The following USP49 variants were observed in gnomAD, a reference collection of about 807,000 sequenced individuals.
USP49 encodes ubiquitin carboxyl-terminal hydrolase 49.
Under a neutral mutation model 58.6 loss-of-function variants are expected in USP49, and 24 were observed. That is an observed-to-expected ratio of 0.41 (90% confidence interval 0.30 to 0.58). The LOEUF is 0.58. Ranked by LOEUF, USP49 falls within the 20% of genes least tolerant of loss-of-function variation. USP49 has a pLI of 0.30. For missense variants in USP49, 703 were observed against 866.1 expected, an observed-to-expected ratio of 0.81 and a Z score of 2.36; for synonymous variants, 408 against 365.1, an observed-to-expected ratio of 1.12 and a Z score of -1.34.
At chr6:41,847,017 C>A (rs1773935865) in intron 3 of USP49, among the ~76,000 whole-genome samples, 1 of 152,198 alleles carries the variant, frequency 6.6e-6, no homozygotes, top group African/African-American at 2.4e-5. Context: ...ATCCTGGAAA[C>A]AACAACCAGG....
intron 3 of USP49, among the ~76,000 whole-genome samples, chr6:41,863,994 C>G (rs934370345): frequency 2.5e-4 from 37 of 147,818 alleles, no homozygotes; most frequent in African/African-American, 8.3e-4. Context: ...ATCTCAAATT[C>G]CTGGGCTCAA....
intron 3 of USP49, among the ~76,000 whole-genome samples, chr6:41,808,519 C>T (rs542409688): frequency 1.3e-5 from 2 of 151,240 alleles, no homozygotes; most frequent in Non-Finnish European, 2.9e-5. Context: ...AAGCGATTCT[C>T]CTGCCTCAGC....
intron 3 of USP49, among the ~76,000 whole-genome samples, chr6:41,834,549 G>A (rs1002383575): frequency 1.2e-4 from 19 of 152,078 alleles, no homozygotes; most frequent in African/African-American, 3.9e-4. Context: ...TGGATCAAGG[G>A]GGCAATTTCT....
chr6:41,837,005 A>C (rs1247375619), intron 3 of USP49, among the ~76,000 whole-genome samples: 1 of 152,226 alleles, frequency 6.6e-6, no homozygotes, highest in Admixed American at 6.5e-5. Context: ...GATAAGAAGA[A>C]TCAATATTGT....
At chr6:41,892,851 T>C (rs990804216) in intron 1 of USP49, among the ~76,000 whole-genome samples, 6 of 152,226 alleles carry the variant, frequency 3.9e-5, no homozygotes, top group Non-Finnish European at 7.3e-5. Context: ...GTAAATCATA[T>C]GCTATCCTTT....
chr6:41,842,876 TTATATA>T (rs556340856), intron 3 of USP49, among the ~76,000 whole-genome samples: 1 of 149,652 alleles, frequency 6.7e-6, no homozygotes, highest in African/African-American at 2.4e-5. Context: ...AAACTATATA[TTATATA>T]TAAATACTAT....
Position 41,803,996 on chromosome 6 carries a change from T to C in USP49, c.1371A>G (p.Ser457=), listed in dbSNP as rs1441379217. ...CAATGGTATTGGATTTGTAATTGCA[T>C]GATATACATGTGACCTAGAATGAAA... ...GQLLSQVTCI[S]CNYKSNTIEP... is the part of the protein sequence containing the mutation. Residue 457 remains serine, a synonymous_variant, in exon 5 of 8, where the codon TCA becomes TCG. Transcript: ENST00000682992. The surrounding 1 kb of genome is among the most constrained non-coding windows in gnomAD (Gnocchi z 4.1). 1.2e-6 allele frequency: 2 copies of C among 1,614,082 alleles called. No homozygotes were observed. The highest frequency in any genetic ancestry group is 1.1e-5 in the South Asian group (1 of 91,080).
chr6:41,819,187 A>G (rs1773411534), intron 3 of USP49, among the ~76,000 whole-genome samples: 1 of 152,152 alleles, frequency 6.6e-6, no homozygotes, highest in African/African-American at 2.4e-5. Flanking sequence ...TAGAATATCT[A>G]TACAATAAAA....
intron 2 of USP49, among the ~76,000 whole-genome samples, chr6:41,883,946 A>G (rs896332488): frequency 6.6e-6 from 1 of 152,164 alleles, no homozygotes. Flanking sequence ...GCCCATCACT[A>G]TGAGAATGGA....
At chr6:41,839,891 A>G (rs2127346177) in intron 3 of USP49, among the ~76,000 whole-genome samples, 1 of 152,222 alleles carries the variant, frequency 6.6e-6, no homozygotes, top group South Asian at 2.1e-4. Context: ...GGTACAGTGA[A>G]TACTGCTTAG....
intron 2 of USP49, among the ~76,000 whole-genome samples, chr6:41,872,175 G>A (rs1448288717): frequency 1.3e-5 from 2 of 152,194 alleles, no homozygotes; most frequent in Non-Finnish European, 2.9e-5. Flanking sequence ...TAGAGTTTAT[G>A]ATTTTGACAA....
intron 2 of USP49, among the ~76,000 whole-genome samples, chr6:41,876,995 T>C (rs1243302753): frequency 1.3e-5 from 2 of 152,196 alleles, no homozygotes; most frequent in African/African-American, 2.4e-5. Context: ...CCAGTCCCAC[T>C]CAAATTTAAA....
intron 3 of USP49, among the ~76,000 whole-genome samples, chr6:41,870,459 G>A (rs947177953): frequency 6.6e-6 from 1 of 152,190 alleles, no homozygotes; most frequent in Admixed American, 6.5e-5. Flanking sequence ...TTAAATTATT[G>A]ACATGAATGT....
rs1052226430 is a variant in USP49 at position 41,794,249 on chromosome 6, G to A, written c.*2284C>T. On this transcript the variant is annotated 3_prime_UTR_variant, in exon 8 of 8. Transcript: ENST00000682992. ...TGATGTTAGTTTCTTTTATTACTTT[G>A]ATATATGCGTGCTCAGCTAAGTTAA... The A allele has an allele frequency of 2.1e-4, 32 of 152,216 alleles. No homozygotes were observed. The highest frequency in any genetic ancestry group is 7.5e-4 in the African/African-American group (31 of 41,430). The allele number at this position is 152,216 out of a possible 1,614,324, so 9.4% of individuals were successfully genotyped here.
At chr6:41,801,630 G>A (rs772940576) in intron 5 of USP49, among the ~76,000 whole-genome samples, 54 of 152,196 alleles carry the variant, frequency 3.5e-4, no homozygotes, top group Non-Finnish European at 7.2e-4. Flanking sequence ...GGGAGTATGT[G>A]AGCTAAGATG....
intron 5 of USP49, among the ~76,000 whole-genome samples, chr6:41,800,772 T>TA (rs1561901996): frequency 6.6e-6 from 1 of 152,048 alleles, no homozygotes; most frequent in African/African-American, 2.4e-5. Flanking sequence ...TACTAAATGA[T>TA]AGAGTATTTA....
intron 3 of USP49, among the ~76,000 whole-genome samples, chr6:41,818,573 G>A (rs1415974029): frequency 6.6e-6 from 1 of 152,144 alleles, no homozygotes; most frequent in Non-Finnish European, 1.5e-5. Context: ...TGCATTTTGA[G>A]CCACCCCAGG....
rs548920059 is a variant in USP49 at position 41,886,186 on chromosome 6, A to G, written c.-103+5608T>C. On this transcript the variant is annotated intron_variant, in intron 2 of 7. Transcript: ENST00000682992. ...ATCAGTGTATAGCCATAAGCATCCA[A>G]TTGATATAGGTGGTTGTATTAGAAC... Among the ~76,000 whole-genome samples, 6 of 152,332 alleles carry G rather than the reference A, an allele frequency of 3.9e-5. No individual in the cohort carries two copies. In the South Asian group the frequency reaches 1.2e-3, roughly 32 times the overall value.
intron 4 of USP49, among the ~76,000 whole-genome samples, chr6:41,804,751 G>GT (rs554247574): frequency 1.3e-4 from 19 of 151,714 alleles, no homozygotes; most frequent in African/African-American, 4.1e-4. Flanking sequence ...TTTTTTGTTT[G>GT]TTTTTTGGTT....
Sources: allele counts gnomAD v4.1 joint callset (sites outside exome capture counted in the v4.1 genomes callset), GRCh38; gene constraint gnomAD v4.1.1; non-coding constraint Gnocchi (gnomAD v3.1); transcripts MANE v1.5; gene names NCBI Gene and HGNC (gene_info 2026-07-23, HGNC 2026-07-21).